The following ARID1A variants were observed in gnomAD, a reference collection of about 807,000 sequenced individuals.
ARID1A encodes the protein AT-rich interactive domain-containing protein 1A.
In ARID1A, 20 loss-of-function variants were observed where a neutral mutation model predicts 212.6. The observed-to-expected ratio is 0.09, with a 90% CI of 0.07 to 0.14. The LOEUF is 0.14. ARID1A is among the 10% of genes least tolerant of loss of function. The pLI, the probability that ARID1A is intolerant of heterozygous loss-of-function variation, is 1.00. For synonymous variants in ARID1A, 1,376 were observed against 1,222.1 expected (o/e 1.13, Z -2.63); for missense variants, 2,587 against 3,059.0 (o/e 0.85, Z 3.64).
rs2124144087 is a variant in ARID1A at position 26,779,818 on chromosome 1, C to G, written c.5920C>G (p.Gln1974Glu). ...CCCACTGTGTACCCTTCTGGACTGG[C>G]AGGATTCTCTTGCCAAGCGCTGCGT... ...ETPLCTLLDW[Q>E]DSLAKRCVCV... Residue 1974 changes from glutamine (Q) to glutamate (E), a missense_variant, in exon 20 of 20, where the codon CAG (glutamine) becomes GAG (glutamate). By Grantham distance (29) the Gln-to-Glu change is conservative (BLOSUM62 2). This residue lies in a region of ARID1A where 168 missense variants were observed against 321.0 expected (regional missense o/e 0.52). Transcript: ENST00000324856. The G allele has an allele frequency of 6.2e-7, 1 of 1,614,104 alleles. No homozygotes were observed. The highest frequency in any genetic ancestry group is 8.5e-7 in the Non-Finnish European group (1 of 1,180,032).
rs2124785389 is a variant in ARID1A, at chr1:26,729,780, G to A, written c.1267G>A (p.Gly423Arg). The change falls in exon 2 of 20, where the codon GGG becomes AGG. Residue 423 changes from glycine to arginine, a missense_variant. This residue lies in a region of ARID1A where 674 missense variants were observed against 813.4 expected (regional missense o/e 0.83). Coordinates refer to ENST00000324856, the MANE Select transcript of ARID1A (RefSeq NM_006015.6). ...ACATGGGTACCCAGGGCAGCCATACGGGTCCCAGACCCCGCAGCGGTACCC... is the reference window on the plus strand; with the variant it reads ...ACATGGGTACCCAGGGCAGCCATACAGGTCCCAGACCCCGCAGCGGTACCC... ...QGHGYPGQPY[G>R]SQTPQRYPMT... 6 of 1,614,210 alleles carry A rather than the reference G, an allele frequency of 3.7e-6. No individual in the cohort carries two copies. The highest frequency in any genetic ancestry group is 1.3e-5 in the African/African-American group (1 of 75,054).
intron 4 of ARID1A, among the ~76,000 whole-genome samples, chr1:26,750,494 C>T (rs1402104857): frequency 7.9e-5 from 12 of 152,030 alleles, no homozygotes; most frequent in East Asian, 3.9e-4. Flanking sequence ...GGAGCCTTCC[C>T]GTCTTGTAGC....
intron 1 of ARID1A, among the ~76,000 whole-genome samples, chr1:26,714,735 C>G (rs540049617): frequency 6.6e-6 from 1 of 152,270 alleles, no homozygotes; most frequent in East Asian, 1.9e-4. Flanking sequence ...ATAAGGTTGA[C>G]TATTCCCTGG....
At chr1:26,719,263 G>A (rs1438110929) in intron 1 of ARID1A, among the ~76,000 whole-genome samples, 1 of 152,224 alleles carries the variant, frequency 6.6e-6, no homozygotes, top group Non-Finnish European at 1.5e-5. Flanking sequence ...TAAAGCATTA[G>A]TATGTTACGA....
At chr1:26,718,601 G>A (rs185375110) in intron 1 of ARID1A, among the ~76,000 whole-genome samples, 3 of 152,214 alleles carry the variant, frequency 2.0e-5, no homozygotes, top group East Asian at 1.9e-4. Flanking sequence ...CCATTAATAC[G>A]TACATTCTCC....
chr1:26,703,563 A>G (rs2080358524), intron 1 of ARID1A, among the ~76,000 whole-genome samples: 1 of 152,184 alleles, frequency 6.6e-6, no homozygotes, highest in South Asian at 2.1e-4. Context: ...TTTTAGGTTC[A>G]GCTAACTTAC....
At chr1:26,749,737 C>G (rs1309560432) in intron 4 of ARID1A, among the ~76,000 whole-genome samples, 1 of 152,216 alleles carries the variant, frequency 6.6e-6, no homozygotes, top group Admixed American at 6.5e-5. Context: ...CCTTTCCAGA[C>G]ATTCCTTTTC....
intron 1 of ARID1A, chr1:26,727,776 C>G (rs1480199726): frequency 6.6e-6 from 1 of 152,182 alleles, no homozygotes; most frequent in Non-Finnish European, 1.5e-5. Context: ...TCTCTTTGTT[C>G]AACAAAATAG....
chr1:26,747,212 C>T (rs1437514311), intron 4 of ARID1A, among the ~76,000 whole-genome samples: 2 of 152,072 alleles, frequency 1.3e-5, no homozygotes, highest in East Asian at 1.9e-4. Flanking sequence ...CTCCTAATCC[C>T]CCTACTCGAT....
chr1:26,745,059 A>G (rs546494088), intron 4 of ARID1A, among the ~76,000 whole-genome samples: 39 of 152,256 alleles, frequency 2.6e-4, no homozygotes, highest in African/African-American at 7.9e-4. Flanking sequence ...GGATTTCTGT[A>G]CTGGACCCTA....
chr1:26,769,996 C>G (rs1167449856), intron 11 of ARID1A: 1 of 152,184 alleles, frequency 6.6e-6, no homozygotes, highest in East Asian at 1.9e-4. Context: ...GGCGGATCAT[C>G]TGAGGTCAGG....
At chr1:26,736,902 C>CAAAAA (rs35005598) in intron 4 of ARID1A, among the ~76,000 whole-genome samples, 1 of 49,872 alleles carries the variant, frequency 2.0e-5, no homozygotes, top group African/African-American at 6.8e-5. Context: ...AATTCTGTCT[C>CAAAAA]AAAAAAAAAA....
intron 8 of ARID1A, 146 bp downstream of exon 8, chr1:26,763,431 G>A: frequency 9.6e-7 from 1 of 1,036,384 alleles, no homozygotes; most frequent in Non-Finnish European, 1.4e-6. Flanking sequence ...CCTTAGATGG[G>A]TCTGAAATTT....
At chr1:26,710,494 T>TACACACACACACACACACAC (rs61663540) in intron 1 of ARID1A, among the ~76,000 whole-genome samples, 2,583 of 131,428 alleles carry the variant, frequency 0.02, 81 homozygotes, top group African/African-American at 0.057. Flanking sequence ...AAATAATACA[T>TACACACACACACACACACAC]ACACACACAC....
chr1:26,736,697 G>GT (rs1434088934), intron 4 of ARID1A, among the ~76,000 whole-genome samples: 2 of 150,798 alleles, frequency 1.3e-5, no homozygotes, highest in Non-Finnish European at 2.9e-5. Flanking sequence ...GAGGTCTGGA[G>GT]TTTGAGACCA....
intron 1 of ARID1A, among the ~76,000 whole-genome samples, chr1:26,718,757 T>G (rs2080529509): frequency 6.6e-6 from 1 of 152,190 alleles, no homozygotes; most frequent in Admixed American, 6.5e-5. Context: ...ATCGTAGGCC[T>G]ACTAACTACA....
At chr1:26,726,977 G>A (rs879399077) in intron 1 of ARID1A, among the ~76,000 whole-genome samples, 1 of 152,260 alleles carries the variant, frequency 6.6e-6, no homozygotes, top group East Asian at 1.9e-4. Flanking sequence ...GGCAGGGCAG[G>A]ATGCCATTGC....
At chr1:26,749,246 GCTCT>G (rs1038124780) in intron 4 of ARID1A, among the ~76,000 whole-genome samples, 4 of 152,150 alleles carry the variant, frequency 2.6e-5, no homozygotes, top group Admixed American at 6.5e-5. Context: ...TGTAGCTTTG[GCTCT>G]CTCTTGGATT....
chr1:26,715,356 TACC>T (rs1450817566), intron 1 of ARID1A, among the ~76,000 whole-genome samples: 1 of 152,214 alleles, frequency 6.6e-6, no homozygotes, highest in Non-Finnish European at 1.5e-5. Context: ...TCCTTAAGTG[TACC>T]ATATCACTTA....
Sources: allele counts gnomAD v4.1 joint callset (sites outside exome capture counted in the v4.1 genomes callset), GRCh38; gene constraint gnomAD v4.1.1; regional missense constraint gnomAD v4.1.1; transcripts MANE v1.5; gene names NCBI Gene and HGNC (gene_info 2026-07-23, HGNC 2026-07-21).